The following ASAP1 variants were observed in gnomAD, a reference collection of about 807,000 sequenced individuals.
ASAP1 encodes the protein arf-GAP with SH3 domain, ANK repeat and PH domain-containing protein 1.
A neutral mutation model predicts 145.2 loss-of-function variants in ASAP1; 43 were observed. The observed-to-expected ratio is 0.30, with a 90% CI of 0.23 to 0.38. ASAP1 has a LOEUF of 0.38. ASAP1 is among the 10% of genes least tolerant of loss of function. The pLI, the probability that ASAP1 is intolerant of heterozygous loss-of-function variation, is 1.00. For missense variants in ASAP1, 1,018 were observed against 1,355.3 expected (o/e 0.75, Z 3.91); for synonymous variants, 546 against 515.5 (o/e 1.06, Z -0.80).
chr8:130,410,655 T>C (rs1007231910), intron 1 of ASAP1, among the ~76,000 whole-genome samples: 3 of 152,206 alleles, frequency 2.0e-5, no homozygotes, highest in Non-Finnish European at 2.9e-5. Flanking sequence ...TCAAACAATC[T>C]TGAATTCACT....
At chr8:130,257,000 C>A (rs926601363) in intron 3 of ASAP1, among the ~76,000 whole-genome samples, 1 of 151,478 alleles carries the variant, frequency 6.6e-6, no homozygotes, top group African/African-American at 2.4e-5. Flanking sequence ...ATCATTTCTT[C>A]CCTTTTTTAA....
intron 5 of ASAP1, among the ~76,000 whole-genome samples, chr8:130,197,561 G>A (rs1252733829): frequency 6.6e-6 from 1 of 152,218 alleles, no homozygotes; most frequent in Non-Finnish European, 1.5e-5. Flanking sequence ...ACCCTACAAG[G>A]TATTACTAAA....
chr8:130,378,782 A>G (rs1279756441), intron 2 of ASAP1, among the ~76,000 whole-genome samples: 2 of 152,230 alleles, frequency 1.3e-5, no homozygotes, highest in Non-Finnish European at 2.9e-5. Flanking sequence ...TGTCAAATGC[A>G]TATTAGCAGT....
intron 13 of ASAP1, among the ~76,000 whole-genome samples, chr8:130,150,635 T>C (rs1018040203): frequency 6.6e-6 from 1 of 152,034 alleles, no homozygotes; most frequent in African/African-American, 2.4e-5. Flanking sequence ...TCCCAGCACT[T>C]TGGGAGGCCG....
At chr8:130,138,169 CA>C (rs2097599726) in intron 13 of ASAP1, among the ~76,000 whole-genome samples, 1 of 152,178 alleles carries the variant, frequency 6.6e-6, no homozygotes, top group East Asian at 1.9e-4. Context: ...AAGACACCTT[CA>C]ATGACACACT....
intron 3 of ASAP1, among the ~76,000 whole-genome samples, chr8:130,241,136 G>C (rs1818502542): frequency 6.6e-6 from 1 of 152,108 alleles, no homozygotes; most frequent in Non-Finnish European, 1.5e-5. Context: ...ATTTGAACTA[G>C]TTGATTGCTC....
rs564147711 is a variant in ASAP1 at position 130,259,731 on chromosome 8, G to T, written c.187-22737C>A. On this transcript the variant is annotated intron_variant, in intron 3 of 29. Coordinates refer to ENST00000518721, the MANE Select transcript of ASAP1 (RefSeq NM_018482.4). ...AGTTGCTTATAATGGACAGGAAGGG[G>T]CGACAGTGTGTGCAATTCTACAATG... 5.3e-5 allele frequency among the ~76,000 whole-genome samples: 8 copies of T among 152,324 alleles called. No individual in the cohort carries two copies. The East Asian group carries it at 1.5e-3, about 29-fold the overall frequency.
intron 9 of ASAP1, among the ~76,000 whole-genome samples, chr8:130,172,779 G>A (rs1045676561): frequency 6.6e-6 from 1 of 152,182 alleles, no homozygotes; most frequent in Non-Finnish European, 1.5e-5. Context: ...ATTTTAGGGA[G>A]AAAGACGGAA....
At chr8:130,412,929 C>T (rs1456921047) in intron 1 of ASAP1, among the ~76,000 whole-genome samples, 1 of 152,162 alleles carries the variant, frequency 6.6e-6, no homozygotes, top group African/African-American at 2.4e-5. Flanking sequence ...CAGGAGTGAG[C>T]CACTGTGCCC....
intron 1 of ASAP1, among the ~76,000 whole-genome samples, chr8:130,443,218 C>T (rs1330323872): frequency 6.6e-6 from 1 of 151,858 alleles, no homozygotes; most frequent in Admixed American, 6.6e-5. Context: ...GGAGACCTCC[C>T]CCCCCCACCG....
chr8:130,127,822 G>T, intron 16 of ASAP1, 105 bp downstream of exon 16: 2 of 1,262,736 alleles, frequency 1.6e-6, no homozygotes, highest in Non-Finnish European at 2.2e-6. Context: ...GTGTGTATGT[G>T]AGTGTGTCCA....
At chr8:130,166,185 T>G (rs1270581898) in intron 11 of ASAP1, among the ~76,000 whole-genome samples, 2 of 152,132 alleles carry the variant, frequency 1.3e-5, no homozygotes, top group Admixed American at 6.6e-5. Flanking sequence ...TTTTCAAAAT[T>G]TTTTGTAGAC....
At chr8:130,112,354 A>C in intron 23 of ASAP1, 32 bp from the exon 24 acceptor site, 7 of 1,583,300 alleles carry the variant, frequency 4.4e-6, no homozygotes, top group Non-Finnish European at 6.1e-6. Flanking sequence ...TGAGATAATA[A>C]TCAAGGACCA....
At chr8:130,130,477 A>C (rs532020225) in intron 15 of ASAP1, among the ~76,000 whole-genome samples, 1 of 152,362 alleles carries the variant, frequency 6.6e-6, no homozygotes, top group African/African-American at 2.4e-5. Context: ...AATTTGGTGG[A>C]ATGAAATGGC....
chr8:130,316,092 G>T (rs1161929478), intron 3 of ASAP1, among the ~76,000 whole-genome samples: 3 of 152,164 alleles, frequency 2.0e-5, no homozygotes, highest in Non-Finnish European at 2.9e-5. Flanking sequence ...CTTTCCTCAA[G>T]ACCTATTCTC....
chr8:130,145,896 C>T (rs974756450), intron 13 of ASAP1, among the ~76,000 whole-genome samples: 2 of 149,752 alleles, frequency 1.3e-5, no homozygotes, highest in Non-Finnish European at 3.0e-5. Flanking sequence ...GGGTGGGGTA[C>T]GGTGGTGTGA....
chr8:130,119,845 T>G (rs2097562747), intron 18 of ASAP1, among the ~76,000 whole-genome samples: 1 of 152,132 alleles, frequency 6.6e-6, no homozygotes, highest in Admixed American at 6.5e-5. Flanking sequence ...CATTGGTATA[T>G]TTTGAATTAA....
chr8:130,307,076 G>A (rs1368808746), intron 3 of ASAP1, among the ~76,000 whole-genome samples: 7 of 152,006 alleles, frequency 4.6e-5, no homozygotes, highest in Non-Finnish European at 8.8e-5. Context: ...TTCCACCCTC[G>A]CTCTATCAAG....
chr8:130,157,328 G>C (rs902820409), intron 12 of ASAP1, among the ~76,000 whole-genome samples: 1 of 152,132 alleles, frequency 6.6e-6, no homozygotes, highest in African/African-American at 2.4e-5. Flanking sequence ...GATGCTGGAC[G>C]AGGGGTGATT....
Sources: allele counts gnomAD v4.1 joint callset (sites outside exome capture counted in the v4.1 genomes callset), GRCh38; gene constraint gnomAD v4.1.1; transcripts MANE v1.5; gene names NCBI Gene and HGNC (gene_info 2026-07-23, HGNC 2026-07-21).